ADAM17: variants seen among roughly 807,000 people sequenced by gnomAD.
The protein encoded by ADAM17 is disintegrin and metalloproteinase domain-containing protein 17.
ADAM17 carries 39 observed loss-of-function variants against 96.7 expected under a neutral mutation model. The observed-to-expected ratio is 0.40, with a 90% CI of 0.31 to 0.53. The LOEUF is 0.53. ADAM17 is among the 20% of genes least tolerant of loss of function. The pLI is 0.44. For missense variants in ADAM17, 777 were observed against 1,013.2 expected (o/e 0.77, Z 3.17); for synonymous variants, 344 against 359.2 (o/e 0.96, Z 0.48).
At chr2:9,532,751 G>A (rs950955067) in intron 4 of ADAM17, among the ~76,000 whole-genome samples, 8 of 148,946 alleles carry the variant, frequency 5.4e-5, no homozygotes, top group Non-Finnish European at 8.9e-5. Flanking sequence ...GCCTCCCAAA[G>A]TGCTGATTAC....
intron 12 of ADAM17, among the ~76,000 whole-genome samples, chr2:9,502,980 G>A (rs1225984034): frequency 4.8e-5 from 7 of 146,924 alleles, no homozygotes; most frequent in South Asian, 2.2e-4. Flanking sequence ...CTCTACTAAA[G>A]ATACAAAAAA....
intron 7 of ADAM17, 144 bp downstream of exon 7, chr2:9,523,105 A>C: frequency 1.6e-6 from 1 of 617,982 alleles, no homozygotes; most frequent in Non-Finnish European, 2.8e-6. Flanking sequence ...AAAATACTGC[A>C]CAATTCATCA....
intron 17 of ADAM17, 23 bp from the exon 18 acceptor site, chr2:9,491,174 T>G (rs755493332): frequency 7.5e-6 from 12 of 1,604,938 alleles, no homozygotes; most frequent in Non-Finnish European, 1.0e-5. Flanking sequence ...AGCAAGAAGG[T>G]CATTCCCTAC....
At position 9,514,525 on chromosome 2, in the gene ADAM17, AT is replaced by A. The variant is rs1558509884; in HGVS notation, c.1191+3375del. Among the ~76,000 whole-genome samples the A allele has an allele frequency of 2.3e-3, 13 of 5,712 alleles. No homozygotes were observed. In the South Asian group the frequency reaches 0.024, roughly 11 times the overall value. The allele number at this position is 5,712 out of a possible 152,430, so 3.7% of individuals were successfully genotyped here. A position where few individuals can be genotyped will look rare whatever the true frequency, so the allele number is the denominator to read the frequency against. On this transcript the variant is annotated intron_variant, in intron 10 of 18. Coordinates refer to ENST00000310823, the MANE Select transcript of ADAM17 (RefSeq NM_003183.6). Reference sequence around the variant, plus strand: ...ACTTAAATTTAAAATATAAATATATATATATATATATATATATATATATATA... The same window carrying A: ...ACTTAAATTTAAAATATAAATATATAATATATATATATATATATATATATA...
chr2:9,516,426 G>A (rs774996788), intron 10 of ADAM17, among the ~76,000 whole-genome samples: 16 of 152,000 alleles, frequency 1.1e-4, no homozygotes, highest in Non-Finnish European at 1.6e-4. Flanking sequence ...TTTCTCAGAT[G>A]TGTCTTTTGC....
rs1209406110 is a variant in ADAM17, at chr2:9,491,158, A to G, written c.2083-7T>C. 15 of 1,611,670 alleles carry G rather than the reference A, an allele frequency of 9.3e-6. No homozygotes were observed. Among genetic ancestry groups the G allele is most frequent in the Non-Finnish European group, 1.3e-5 (15 of 1,177,900 alleles). ...GTTTATCCAATTTCTTATCCTAGAA[A>G]GAAACAGCAAGAAGGTCATTCCCTA... On this transcript the variant is annotated splice_polypyrimidine_tract_variant and splice_region_variant and intron_variant, in intron 17 of 18. Transcript: ENST00000310823.
chr2:9,545,697 A>C (rs1277000303), intron 1 of ADAM17, among the ~76,000 whole-genome samples: 1 of 152,228 alleles, frequency 6.6e-6, no homozygotes, highest in African/African-American at 2.4e-5. Flanking sequence ...CAAAAACCAG[A>C]ATGATGGTAA....
intron 18 of ADAM17, 64 bp downstream of exon 18, chr2:9,491,037 G>A: frequency 2.8e-6 from 4 of 1,454,060 alleles, no homozygotes; most frequent in East Asian, 4.6e-5. Context: ...GTCAGGTGAA[G>A]GTCTTTGCCT....
At chr2:9,533,764 C>T (rs922142533) in intron 4 of ADAM17, among the ~76,000 whole-genome samples, 34 of 152,138 alleles carry the variant, frequency 2.2e-4, no homozygotes, top group African/African-American at 8.0e-4. Context: ...CTGTATAATT[C>T]TCTAGCTCTG....
intron 3 of ADAM17, among the ~76,000 whole-genome samples, chr2:9,536,284 T>C (rs17362650): frequency 0.23 from 34,932 of 152,164 alleles, 4,784 homozygotes; most frequent in Middle Eastern, 0.32. Context: ...CATTTTTTTT[T>C]CTCATTGCAG....
intron 4 of ADAM17, among the ~76,000 whole-genome samples, chr2:9,534,247 T>C (rs1322279407): frequency 3.9e-5 from 6 of 152,092 alleles, no homozygotes; most frequent in Admixed American, 3.9e-4. Context: ...CATGTGCCTG[T>C]AGTCTGAGCT....
chr2:9,536,749 C>G lies in ADAM17; in HGVS notation c.310G>C (p.Glu104Gln). 6.2e-7 allele frequency: 1 copy of G among 1,614,042 alleles called. No individual in the cohort carries two copies. The highest frequency in any genetic ancestry group is 1.1e-5 in the South Asian group (1 of 91,080). The change falls in exon 3 of 19, where the codon GAA (glutamate) becomes CAA (glutamine). Residue 104 changes from glutamate to glutamine, a missense_variant. Around this residue, in one of 3 missense-constraint regions of ADAM17, gnomAD observed 134 missense variants for 129.1 expected, o/e 1.04. Coordinates refer to ENST00000310823, the MANE Select transcript of ADAM17 (RefSeq NM_003183.6). The stretch of plus-strand genomic sequence containing the variant: ...TGCCATTTTACAGTGTACTCGCTTT[C>G]GTTTTTACCATCCACCACCACGACC... Reference protein sequence around the residue: ...FKVVVVDGKNESEYTVKWQDF... With the variant: ...FKVVVVDGKNQSEYTVKWQDF...
intron 1 of ADAM17, among the ~76,000 whole-genome samples, chr2:9,553,284 C>G (rs1372174527): frequency 6.6e-6 from 1 of 152,084 alleles, no homozygotes; most frequent in African/African-American, 2.4e-5. Context: ...TGTCTATTTC[C>G]CTATGCTATA....
intron 14 of ADAM17, chr2:9,496,379 C>T (rs1310201884): frequency 6.6e-6 from 1 of 152,230 alleles, no homozygotes; most frequent in East Asian, 1.9e-4. Flanking sequence ...ATCTGCCCAC[C>T]TCGGCCTCCC....
intron 2 of ADAM17, among the ~76,000 whole-genome samples, chr2:9,539,308 C>G (rs921218612): frequency 3.9e-5 from 6 of 151,976 alleles, no homozygotes; most frequent in African/African-American, 1.5e-4. Context: ...GGGGTTTCAC[C>G]GTGTTAGCCA....
At chr2:9,519,906 C>T (rs1026202937) in intron 8 of ADAM17, among the ~76,000 whole-genome samples, 4 of 152,202 alleles carry the variant, frequency 2.6e-5, no homozygotes, top group African/African-American at 7.2e-5. Context: ...GTCATGTCAG[C>T]TGGAATAAAC....
chr2:9,531,423 C>T (rs1205033080), intron 4 of ADAM17, among the ~76,000 whole-genome samples: 3 of 152,110 alleles, frequency 2.0e-5, no homozygotes, highest in African/African-American at 4.8e-5. Context: ...AAAATTAGGC[C>T]GGATGCAGTG....
chr2:9,523,446 G>A, intron 6 of ADAM17, 108 bp from the exon 7 acceptor site: 3 of 981,314 alleles, frequency 3.1e-6, no homozygotes, highest in South Asian at 3.2e-5. Flanking sequence ...AGAGGCCATT[G>A]CAAAAGTTTC....
At chr2:9,513,592 T>C (rs1663862516) in intron 10 of ADAM17, among the ~76,000 whole-genome samples, 1 of 152,100 alleles carries the variant, frequency 6.6e-6, no homozygotes, top group Admixed American at 6.6e-5. Flanking sequence ...GCTTGATATG[T>C]AGGGGGAAAT....
Sources: allele counts gnomAD v4.1 joint callset (sites outside exome capture counted in the v4.1 genomes callset), GRCh38; gene constraint gnomAD v4.1.1; regional missense constraint gnomAD v4.1.1; transcripts MANE v1.5; gene names NCBI Gene and HGNC (gene_info 2026-07-23, HGNC 2026-07-21).